The following POLR1D variants were observed in gnomAD, a reference collection of about 807,000 sequenced individuals.
POLR1D encodes the protein DNA-directed RNA polymerases I and III subunit RPAC2.
In POLR1D, 8 loss-of-function variants were observed where a neutral mutation model predicts 10.8. The observed-to-expected ratio is 0.74, with a 90% confidence interval of 0.43 to 1.33. The LOEUF (loss-of-function observed/expected upper bound fraction) is 1.33. POLR1D is among the 40% of genes most tolerant of loss of function. The probability of loss-of-function intolerance (pLI) is 0.01; values close to 1 mark genes in which losing one functional copy is unlikely to be tolerated. For synonymous variants in POLR1D, 54 were observed against 57.2 expected (o/e 0.94, Z 0.25); for missense variants, 152 against 161.7 (o/e 0.94, Z 0.32).
intron 1 of POLR1D, among the ~76,000 whole-genome samples, chr13:27,631,446 G>T (rs952706786): frequency 1.3e-5 from 2 of 152,132 alleles, no homozygotes; most frequent in Non-Finnish European, 2.9e-5. Context: ...AGTAAGTCCA[G>T]CCCACACTTG....
intron 2 of POLR1D, among the ~76,000 whole-genome samples, chr13:27,653,327 C>T (rs983782925): frequency 1.3e-5 from 2 of 151,980 alleles, no homozygotes; most frequent in African/African-American, 4.8e-5. Flanking sequence ...ATCTGGGGTT[C>T]TTTGACTACA....
chr13:27,634,174 AGTTT>A, intron 1 of POLR1D, among the ~76,000 whole-genome samples: 1 of 152,308 alleles, frequency 6.6e-6, no homozygotes, highest in East Asian at 1.9e-4. Context: ...ACTTATGATT[AGTTT>A]GTTTATATGG....
chr13:27,656,144 G>A (rs1234437744), intron 2 of POLR1D, among the ~76,000 whole-genome samples: 1 of 152,144 alleles, frequency 6.6e-6, no homozygotes, highest in Non-Finnish European at 1.5e-5. Context: ...CTATGAATGA[G>A]ACAATGGCAG....
intron 2 of POLR1D, among the ~76,000 whole-genome samples, chr13:27,655,559 G>T (rs923150392): frequency 5.9e-5 from 9 of 152,162 alleles, no homozygotes; most frequent in Non-Finnish European, 1.0e-4. Context: ...TGTTTGACAG[G>T]AAGGAATATT....
intron 1 of POLR1D, among the ~76,000 whole-genome samples, chr13:27,643,299 C>T (rs990117793): frequency 5.9e-5 from 9 of 152,122 alleles, no homozygotes; most frequent in Non-Finnish European, 8.8e-5. Context: ...TTTCATTTCC[C>T]AAATAACCTC....
intron 1 of POLR1D, chr13:27,622,315 T>C (rs761970975): frequency 3.1e-5 from 16 of 509,216 alleles, no homozygotes; most frequent in Non-Finnish European, 5.3e-5. Flanking sequence ...CTCGTGCCTC[T>C]GTCCCTGTAA....
intron 2 of POLR1D, among the ~76,000 whole-genome samples, chr13:27,649,007 T>C (rs1956244734): frequency 6.6e-6 from 1 of 152,166 alleles, no homozygotes; most frequent in African/African-American, 2.4e-5. Flanking sequence ...GGAGTATTGT[T>C]TGAGCCCAAG....
intron 1 of POLR1D, among the ~76,000 whole-genome samples, chr13:27,629,764 A>G (rs1354521939): frequency 6.6e-6 from 1 of 152,238 alleles, no homozygotes; most frequent in Non-Finnish European, 1.5e-5. Flanking sequence ...CTTAAGCTTT[A>G]AGATAAAGGT....
chr13:27,646,164 C>T (rs1956218940), intron 1 of POLR1D: 2 of 152,124 alleles, frequency 1.3e-5, no homozygotes, highest in South Asian at 2.1e-4. Flanking sequence ...AGTTGTTTTC[C>T]TGATTATTTT....
At chr13:27,666,880 T>G (rs1956423598) in exon 3 of POLR1D, 1 of 152,126 alleles carries the variant, frequency 6.6e-6, no homozygotes, top group South Asian at 2.1e-4. Context: ...AGCACCCTCC[T>G]CCCCAGTTCA....
intron 2 of POLR1D, among the ~76,000 whole-genome samples, chr13:27,660,122 A>AT: frequency 6.6e-6 from 1 of 152,286 alleles, no homozygotes; most frequent in East Asian, 1.9e-4. Flanking sequence ...AGGTGGCCAC[A>AT]TGCTGAGGCA....
upstream of POLR1D, chr13:27,621,886 GTCGGT>G: frequency 1.5e-6 from 2 of 1,318,098 alleles, 1 homozygote; most frequent in Middle Eastern, 3.6e-4. Context: ...CCTTCCGTCG[GTCGGT>G]CCTTGCTTCC....
chr13:27,656,310 A>G (rs981833940), intron 2 of POLR1D, among the ~76,000 whole-genome samples: 1 of 152,256 alleles, frequency 6.6e-6, no homozygotes, highest in African/African-American at 2.4e-5. Flanking sequence ...AAGCTTCTAC[A>G]AATCAGTTTA....
chr13:27,633,596 T>A (rs902451212), intron 1 of POLR1D, among the ~76,000 whole-genome samples: 13 of 152,262 alleles, frequency 8.5e-5, no homozygotes, highest in Admixed American at 4.6e-4. Context: ...AATAATTTGA[T>A]GTCTGTTGTG....
intron 1 of POLR1D, among the ~76,000 whole-genome samples, chr13:27,631,626 C>G (rs1956074308): frequency 1.3e-5 from 2 of 152,168 alleles, no homozygotes; most frequent in African/African-American, 4.8e-5. Flanking sequence ...TCATTGTCAA[C>G]TGACATTATA....
At chr13:27,635,112 A>G (rs1956109971) in intron 1 of POLR1D, among the ~76,000 whole-genome samples, 1 of 152,186 alleles carries the variant, frequency 6.6e-6, no homozygotes, top group South Asian at 2.1e-4. Context: ...CATGCTGGCA[A>G]TAGGGGCTGT....
intron 2 of POLR1D, among the ~76,000 whole-genome samples, chr13:27,662,088 T>G (rs1488744604): frequency 5.3e-5 from 8 of 152,238 alleles, no homozygotes; most frequent in Admixed American, 5.2e-4. Context: ...ACTTTTTTCT[T>G]AATCTTTTCT....
chr13:27,632,342 G>A (rs1956082251), intron 1 of POLR1D, among the ~76,000 whole-genome samples: 1 of 152,178 alleles, frequency 6.6e-6, no homozygotes, highest in Non-Finnish European at 1.5e-5. Context: ...TTGATTCCAA[G>A]GTATGCTGTT....
chr13:27,662,068 A>T (rs1210534861), intron 2 of POLR1D, among the ~76,000 whole-genome samples: 1 of 152,228 alleles, frequency 6.6e-6, no homozygotes, highest in Non-Finnish European at 1.5e-5. Context: ...TTAACTTTTA[A>T]TGATGGCTTA....
Sources: gnomAD v4.1 joint callset for allele counts (sites outside exome capture counted in the v4.1 genomes callset) on GRCh38, gnomAD v4.1.1 for gene constraint, MANE v1.5 for transcripts, NCBI Gene and HGNC (gene_info 2026-07-23, HGNC 2026-07-21) for gene names.